GYS1: variants seen among roughly 807,000 people sequenced by gnomAD.
GYS1 encodes the protein glycogen [starch] synthase, muscle.
A neutral mutation model predicts 89.1 loss-of-function variants in GYS1; 60 were observed. That is an observed-to-expected ratio of 0.67 (90% CI 0.55 to 0.84). The LOEUF is 0.84. GYS1 is among the 40% of genes least tolerant of loss of function. GYS1 has a pLI of 0.00. For synonymous variants in GYS1, 366 were observed against 401.7 expected, an observed-to-expected ratio of 0.91 and a Z score of 1.06; for missense variants, 888 against 1,003.1, an observed-to-expected ratio of 0.89 and a Z score of 1.55.
In GYS1 at chr19:48,971,026, G is replaced by A; in HGVS notation, c.1550-3C>T. The A allele has an allele frequency of 1.2e-6, 2 of 1,609,464 alleles. No homozygotes were observed. Among genetic ancestry groups the A allele is most frequent in the Non-Finnish European group, 1.7e-6 (2 of 1,175,666 alleles). On this transcript the variant is annotated splice_region_variant and splice_polypyrimidine_tract_variant and intron_variant, in intron 12 of 15. Transcript: ENST00000323798. Reference sequence around the variant, plus strand: ...GATTCCCATAACCGTGCACTCAGCTGCGGGAAGGCAGGAGAGAGACCCACT... The same window carrying A: ...GATTCCCATAACCGTGCACTCAGCTACGGGAAGGCAGGAGAGAGACCCACT...
At chr19:48,987,700 G>A (rs367917261) in intron 2 of GYS1, among the ~76,000 whole-genome samples, 5 of 151,934 alleles carry the variant, frequency 3.3e-5, no homozygotes, top group South Asian at 2.1e-4. Flanking sequence ...GCAGTGGTGC[G>A]ATCTCAGCTC....
intron 12 of GYS1, among the ~76,000 whole-genome samples, chr19:48,972,731 G>A (rs553025669): frequency 1.3e-5 from 2 of 152,100 alleles, no homozygotes; most frequent in South Asian, 4.2e-4. Flanking sequence ...CTCCCACCTC[G>A]GCCTCCCAAA....
intron 7 of GYS1, 48 bp downstream of exon 7, chr19:48,982,207 T>A: frequency 1.2e-6 from 2 of 1,604,628 alleles, no homozygotes; most frequent in Non-Finnish European, 1.7e-6. Context: ...TCCCTAGTTA[T>A]AAACTGCTTT....
At chr19:48,971,922 C>T (rs1274357501) in intron 12 of GYS1, among the ~76,000 whole-genome samples, 2 of 149,018 alleles carry the variant, frequency 1.3e-5, no homozygotes, top group Non-Finnish European at 3.0e-5. Flanking sequence ...AGGACAGTGG[C>T]TTGATCATAG....
At position 48,978,156 on chromosome 19, in the gene GYS1, C is replaced by T. The variant is rs1320095254; in HGVS notation, c.1171G>A (p.Asp391Asn). Reference protein sequence around the residue: ...KGQAVRKQLWDTANTVKEKFG... With the variant: ...KGQAVRKQLWNTANTVKEKFG... Reference sequence around the variant, plus strand: ...TTTTCCTTCACCGTGTTGGCCGTGTCCCTGGAGGAAGCAGAGCAACAGGGT... The same window carrying T: ...TTTTCCTTCACCGTGTTGGCCGTGTTCCTGGAGGAAGCAGAGCAACAGGGT... Residue 391 changes from aspartate (D) to asparagine (N), a missense_variant and splice_region_variant, in exon 9 of 16, where the codon GAC becomes AAC. Asp to Asn is a conservative substitution (Grantham distance 23, BLOSUM62 1). Coordinates refer to ENST00000323798, the MANE Select transcript of GYS1 (RefSeq NM_002103.5). 2 of 1,613,438 alleles carry T rather than the reference C, an allele frequency of 1.2e-6. No individual in the cohort carries two copies. Among genetic ancestry groups the T allele is most frequent in the Non-Finnish European group, 8.5e-7 (1 of 1,179,490 alleles).
At chr19:48,982,430 C>T in intron 6 of GYS1, 55 bp from the exon 7 acceptor site, 1 of 1,610,080 alleles carries the variant, frequency 6.2e-7, no homozygotes. Flanking sequence ...CTAGCCCTGG[C>T]CTCAAAACTA....
In GYS1 at chr19:48,991,354, G is replaced by A. The variant is rs768192202; in HGVS notation, c.248C>T (p.Pro83Leu). 6.2e-7 allele frequency: 1 copy of A among 1,614,068 alleles called. No individual in the cohort carries two copies. Among genetic ancestry groups the A allele is most frequent in the South Asian group, 1.1e-5 (1 of 91,088 alleles). The change falls in exon 2 of 16, where the codon CCC becomes CTC. Residue 83 changes from proline to leucine, a missense_variant. By Grantham distance (98) the Pro-to-Leu change is moderately conservative. Transcript: ENST00000323798. The surrounding 1 kb of genome is among the most constrained non-coding windows in gnomAD (Gnocchi z 4.7). ...VRTQVELLEAPTPALKRTLDS... is the reference protein window; with the variant it reads ...VRTQVELLEALTPALKRTLDS... ...CAGTGTCCTCTTCAGGGCCGGGGTG[G>A]GGGCCTCCAGCAGTTCCACCTGGGT... is the stretch of plus-strand genomic sequence containing the variant.
rs964540575 is a variant in GYS1, at chr19:48,987,403, A to C, written c.301-18T>G. The C allele has an allele frequency of 1.9e-6, 3 of 1,564,078 alleles. No homozygotes were observed. Among genetic ancestry groups the C allele is most frequent in the Non-Finnish European group, 2.6e-6 (3 of 1,152,778 alleles). Reference sequence around the variant, plus strand: ...AAATACACCTGGGATGGGGTTGGGGAGGCACCATAGGGAGGCTCTGGGCTT... The same window carrying C: ...AAATACACCTGGGATGGGGTTGGGGCGGCACCATAGGGAGGCTCTGGGCTT... On this transcript the variant is annotated intron_variant, in intron 2 of 15. Transcript: ENST00000323798.
At chr19:48,973,494 A>C (rs978333164) in intron 12 of GYS1, among the ~76,000 whole-genome samples, 29 of 149,156 alleles carry the variant, frequency 1.9e-4, no homozygotes, top group African/African-American at 7.2e-4. Flanking sequence ...AATGGCACTA[A>C]TTTAGCTTTA....
chr19:48,979,384 G>C (rs1449226799), intron 8 of GYS1, among the ~76,000 whole-genome samples: 2 of 77,390 alleles, frequency 2.6e-5, no homozygotes. Flanking sequence ...TTTTGAGACA[G>C]AGTCTTGCTC....
At chr19:48,970,797 C>G in intron 13 of GYS1, 88 bp from the exon 14 acceptor site, 1 of 1,460,226 alleles carries the variant, frequency 6.8e-7, no homozygotes. Flanking sequence ...CCCCTCCTCT[C>G]CCAGCGGCCC....
In GYS1 at chr19:48,969,874, G is replaced by T. The variant is rs367581750; in HGVS notation, c.1810-19C>A. On this transcript the variant is annotated intron_variant, in intron 14 of 15. Transcript: ENST00000323798. Reference sequence around the variant, plus strand: ...TATAGTACTAGGGGAAAGGAGGAGAGGGGGCAGAGGATGTGAGAGCCAGGC... The same window carrying T: ...TATAGTACTAGGGGAAAGGAGGAGATGGGGCAGAGGATGTGAGAGCCAGGC... 1.4e-4 allele frequency: 228 copies of T among 1,590,444 alleles called. No individual in the cohort carries two copies. The highest frequency in any genetic ancestry group is 3.3e-4 in the Middle Eastern group (2 of 6,004).
At chr19:48,970,798 C>T (rs2038552507) in intron 13 of GYS1, 89 bp from the exon 14 acceptor site, 4 of 1,461,932 alleles carry the variant, frequency 2.7e-6, no homozygotes, top group South Asian at 1.1e-5. Context: ...CCCTCCTCTC[C>T]CAGCGGCCCG....
chr19:48,980,548 G>A (rs756646611), intron 8 of GYS1, among the ~76,000 whole-genome samples: 2 of 151,668 alleles, frequency 1.3e-5, no homozygotes, highest in African/African-American at 2.4e-5. Context: ...CTCTGCTAAT[G>A]AATGAACGGT....
chr19:48,989,210 G>A (rs1054145312), intron 2 of GYS1, among the ~76,000 whole-genome samples: 5 of 151,738 alleles, frequency 3.3e-5, no homozygotes, highest in Non-Finnish European at 5.9e-5. Context: ...GGCTGGGCGC[G>A]GTGGCTCACG....
At position 48,983,390 on chromosome 19, in the gene GYS1, T is replaced by C. The variant is rs116264964; in HGVS notation, c.824-553A>G. On this transcript the variant is annotated intron_variant, in intron 5 of 15. Transcript: ENST00000323798. The stretch of plus-strand genomic sequence containing the variant: ...CACAAGTATAAGTCTCCTCAGCTAC[T>C]GCAAATGGCTAACAGGGATCTGATC... Among the ~76,000 whole-genome samples the C allele has an allele frequency of 6.9e-3, 1,057 of 152,318 alleles. 12 individuals carry two copies. Among genetic ancestry groups the C allele is most frequent in the African/African-American group, 0.019 (799 of 41,570 alleles).
chr19:48,973,327 A>AT (rs11456505), intron 12 of GYS1, among the ~76,000 whole-genome samples: 84,017 of 149,618 alleles, frequency 0.56, 24,111 homozygotes, highest in African/African-American at 0.71. Context: ...CCAGTCTTGG[A>AT]TTTTTTTTTT....
intron 8 of GYS1, among the ~76,000 whole-genome samples, chr19:48,980,173 G>A (rs368723766): frequency 2.4e-4 from 37 of 152,174 alleles, no homozygotes; most frequent in East Asian, 1.9e-3. Context: ...ATCATGCCTC[G>A]GGGCCTTCGA....
chr19:48,981,318 C>A, intron 8 of GYS1: 2 of 558,896 alleles, frequency 3.6e-6, no homozygotes. Flanking sequence ...GAGGCTGAGG[C>A]AGATGACTTG....
Sources: gnomAD v4.1 joint callset for allele counts (sites outside exome capture counted in the v4.1 genomes callset) on GRCh38, gnomAD v4.1.1 for gene constraint, Gnocchi (gnomAD v3.1) non-coding constraint, MANE v1.5 for transcripts, NCBI Gene and HGNC (gene_info 2026-07-23, HGNC 2026-07-21) for gene names.